Variants in LHPP observed in about 807,000 individuals in gnomAD.
LHPP encodes the protein phospholysine phosphohistidine inorganic pyrophosphate phosphatase.
LHPP carries 24 observed loss-of-function variants against 30.3 expected under a neutral mutation model. The observed-to-expected ratio is 0.79, with a 90% confidence interval of 0.57 to 1.11. The LOEUF is 1.11. LHPP is among the 50% of genes most tolerant of loss of function. The pLI, the probability that LHPP is intolerant of heterozygous loss-of-function variation, is 0.00. For missense variants in LHPP, 356 were observed against 367.2 expected (o/e 0.97, Z 0.25); for synonymous variants, 150 against 157.1 (o/e 0.95, Z 0.34).
At chr10:124,489,339 T>G (rs1399683314) in intron 3 of LHPP, among the ~76,000 whole-genome samples, 3 of 152,218 alleles carry the variant, frequency 2.0e-5, no homozygotes, top group Admixed American at 6.5e-5. Flanking sequence ...GATGTCACAC[T>G]TGACCTTGTT....
At chr10:124,506,455 G>A (rs925452282) in intron 5 of LHPP, among the ~76,000 whole-genome samples, 2 of 151,718 alleles carry the variant, frequency 1.3e-5, no homozygotes, top group African/African-American at 4.8e-5. Flanking sequence ...ATGTGCCCTG[G>A]GGAGAACCGC....
intron 1 of LHPP, among the ~76,000 whole-genome samples, chr10:124,482,096 A>G (rs763318356): frequency 6.6e-6 from 1 of 152,208 alleles, no homozygotes; most frequent in African/African-American, 2.4e-5. Flanking sequence ...TTACATTCAC[A>G]CTGGGTTCAG....
intron 1 of LHPP, among the ~76,000 whole-genome samples, chr10:124,464,792 C>T (rs1952510295): frequency 6.6e-6 from 1 of 152,170 alleles, no homozygotes; most frequent in South Asian, 2.1e-4. Context: ...TCATTGCTTG[C>T]GGAAGATACA....
At chr10:124,474,509 C>T (rs891560957) in intron 1 of LHPP, among the ~76,000 whole-genome samples, 4 of 152,118 alleles carry the variant, frequency 2.6e-5, no homozygotes, top group African/African-American at 9.7e-5. Flanking sequence ...GCTCAAGGAG[C>T]TGTATTTTCC....
At chr10:124,606,757 C>A (rs1366352146) in intron 6 of LHPP, among the ~76,000 whole-genome samples, 3 of 152,198 alleles carry the variant, frequency 2.0e-5, no homozygotes, top group East Asian at 3.9e-4. Context: ...GCGCTGTGAC[C>A]CCCACGGGGA....
rs372297419 is a variant in LHPP, at chr10:124,488,486, A to G, written c.378A>G (p.Ala126=). ...CAAACTGTGTGGTAATTGCAGACGC[A>G]GGAGAAAGCTTTTCTTATCAAAACA... ...SNPNCVVIAD[A]GESFSYQNMN... Residue 126 remains alanine (A), a synonymous_variant, in exon 3 of 7, where the codon GCA becomes GCG. Transcript: ENST00000368842. 13 of 1,613,938 alleles carry G rather than the reference A, an allele frequency of 8.1e-6. No individual in the cohort carries two copies. The African/African-American group carries it at 1.7e-4, about 22-fold the overall frequency.
At chr10:124,533,305 A>G (rs1193458479) in intron 6 of LHPP, among the ~76,000 whole-genome samples, 1 of 152,178 alleles carries the variant, frequency 6.6e-6, no homozygotes, top group Non-Finnish European at 1.5e-5. Flanking sequence ...GATTTGCAAA[A>G]TGCACCCCCC....
chr10:124,613,050 G>C, intron 6 of LHPP: 1 of 589,398 alleles, frequency 1.7e-6, no homozygotes. Flanking sequence ...TTGGGGAGGT[G>C]TCCAGGTTGA....
intron 1 of LHPP, among the ~76,000 whole-genome samples, chr10:124,468,735 C>T (rs1952635517): frequency 6.6e-6 from 1 of 152,216 alleles, no homozygotes; most frequent in South Asian, 2.1e-4. Flanking sequence ...TTGGCAGGGC[C>T]CCCTTCAGCC....
intron 1 of LHPP, among the ~76,000 whole-genome samples, chr10:124,480,228 C>T (rs751615848): frequency 5.3e-5 from 8 of 152,024 alleles, no homozygotes; most frequent in Non-Finnish European, 4.4e-5. Context: ...TGGTCCGGGG[C>T]GCAGAAGGAC....
rs1005345719 is a variant in LHPP, at chr10:124,498,434, A to G, written c.624+306A>G. 83 of 1,519,828 alleles carry G rather than the reference A, an allele frequency of 5.5e-5. 1 individual carries two copies. The African/African-American group carries it at 9.4e-4, about 17-fold the overall frequency. 94.1% of individuals were successfully genotyped at this position (1,519,828 alleles called of 1,614,324 possible). On this transcript the variant is annotated intron_variant, in intron 5 of 6. Transcript: ENST00000368842. ...TGACAAGTCCTATCAGTGTGTTAATATATCTCACTGGCAAGACAGTGTAAC... is the reference window on the plus strand; with the variant it reads ...TGACAAGTCCTATCAGTGTGTTAATGTATCTCACTGGCAAGACAGTGTAAC...
rs3083540 is a variant in LHPP, at chr10:124,529,813, G to GCACA, written c.716+12559_716+12562dup. 6.5e-3 allele frequency among the ~76,000 whole-genome samples: 958 copies of GCACA among 147,156 alleles called. 10 individuals are homozygous for GCACA. Among genetic ancestry groups the GCACA allele is most frequent in the South Asian group, 0.03 (140 of 4,684 alleles). ...CATGCACATACACACACACACACACGCACACACACACACACACACATGCGC... is the reference window on the plus strand; with the variant it reads ...CATGCACATACACACACACACACACGCACACACACACACACACACACACATGCGC... On this transcript the variant is annotated intron_variant, in intron 6 of 6. Transcript: ENST00000368842.
chr10:124,491,579 T>C (rs537165710), intron 3 of LHPP, among the ~76,000 whole-genome samples: 114 of 152,318 alleles, frequency 7.5e-4, no homozygotes, highest in African/African-American at 2.7e-3. Context: ...CCCCAGACCC[T>C]GTGCGTGTTA....
At chr10:124,537,497 G>C (rs1955057078) in intron 6 of LHPP, among the ~76,000 whole-genome samples, 1 of 152,220 alleles carries the variant, frequency 6.6e-6, no homozygotes, top group Admixed American at 6.5e-5. Flanking sequence ...GGGACTGGTG[G>C]AGACTCCTGT....
intron 3 of LHPP, among the ~76,000 whole-genome samples, chr10:124,495,115 C>G (rs1237652131): frequency 6.6e-6 from 1 of 152,192 alleles, no homozygotes; most frequent in Non-Finnish European, 1.5e-5. Flanking sequence ...CATTTGAAGT[C>G]TGCGTTTAAG....
intron 6 of LHPP, among the ~76,000 whole-genome samples, chr10:124,577,910 G>A (rs1948690006): frequency 1.3e-5 from 2 of 152,006 alleles, no homozygotes; most frequent in East Asian, 3.9e-4. Context: ...AGGTGAGGTG[G>A]GGCCACACTG....
At chr10:124,572,654 G>GGAAA (rs1554894131) in intron 6 of LHPP, among the ~76,000 whole-genome samples, 25 of 47,736 alleles carry the variant, frequency 5.2e-4, no homozygotes, top group African/African-American at 1.6e-3. Flanking sequence ...AAGTAAGAAA[G>GGAAA]GAAAGGAAAG....
chr10:124,543,291 G>T (rs1438276634), intron 6 of LHPP, among the ~76,000 whole-genome samples: 1 of 152,282 alleles, frequency 6.6e-6, no homozygotes, highest in African/African-American at 2.4e-5. Context: ...TGGCCAACCT[G>T]AGGGTAGACA....
At chr10:124,492,085 A>G (rs1471184732) in intron 3 of LHPP, among the ~76,000 whole-genome samples, 1 of 152,182 alleles carries the variant, frequency 6.6e-6, no homozygotes, top group South Asian at 2.1e-4. Flanking sequence ...AGCTGGAGCC[A>G]CTGCCTCCAT....
Sources: gnomAD v4.1 joint callset for allele counts (sites outside exome capture counted in the v4.1 genomes callset) on GRCh38, gnomAD v4.1.1 for gene constraint, MANE v1.5 for transcripts, NCBI Gene and HGNC (gene_info 2026-07-23, HGNC 2026-07-21) for gene names.